SLX9: variants seen among roughly 807,000 people sequenced by gnomAD.
SLX9 encodes the protein ribosome biogenesis protein SLX9 homolog.
SLX9 carries 19 observed loss-of-function variants against 20.8 expected under a neutral mutation model. The ratio of observed to expected loss-of-function variants is 0.91; its 90% CI spans 0.64 to 1.34. SLX9 has a LOEUF of 1.34. Among genes scored for constraint, SLX9 ranks in the 40% most tolerant of loss-of-function variants. The pLI, the probability that SLX9 is intolerant of heterozygous loss-of-function variation, is 0.00. For synonymous variants in SLX9, 113 were observed against 137.1 expected (o/e 0.82, Z 1.23); for missense variants, 299 against 322.2 (o/e 0.93, Z 0.55).
intron 2 of SLX9, among the ~76,000 whole-genome samples, chr21:44,955,840 T>C (rs1266838677): frequency 6.6e-6 from 1 of 152,254 alleles, no homozygotes; most frequent in Non-Finnish European, 1.5e-5. Flanking sequence ...AAGACATTTG[T>C]AGATCAAACC....
chr21:44,966,845 A>G (rs1398607399), intron 3 of SLX9, among the ~76,000 whole-genome samples, 189 bp from the exon 4 acceptor site: 2 of 152,238 alleles, frequency 1.3e-5, no homozygotes, highest in African/African-American at 4.8e-5. Flanking sequence ...CAGCTCTGTC[A>G]TTAAGGGGAA....
At chr21:44,948,670 T>C (rs866284531) in intron 2 of SLX9, among the ~76,000 whole-genome samples, 4 of 151,918 alleles carry the variant, frequency 2.6e-5, no homozygotes, top group Admixed American at 6.6e-5. Context: ...GTGGACGGCT[T>C]GGGGGCGGTG....
Position 44,964,418 on chromosome 21 carries a change from A to T in SLX9, c.353-2616A>T, listed in dbSNP as rs370407552. ...CACCCCACCTTGCCTTTATGAGGACAAGCTTGCAAAGTTTGTCCTTGCTGT... is the reference window on the plus strand; with the variant it reads ...CACCCCACCTTGCCTTTATGAGGACTAGCTTGCAAAGTTTGTCCTTGCTGT... On this transcript the variant is annotated intron_variant, in intron 3 of 5. Transcript: ENST00000291634. Among the ~76,000 whole-genome samples the T allele has an allele frequency of 7.3e-4, 111 of 152,292 alleles. 3 individuals are homozygous for T. The East Asian group carries it at 0.015, about 20-fold the overall frequency.
At chr21:44,969,295 G>C in intron 4 of SLX9, 1 of 442,124 alleles carries the variant, frequency 2.3e-6, no homozygotes, top group Non-Finnish European at 4.8e-6. Context: ...TGTGATGACC[G>C]AACATTCCTG....
At chr21:44,949,597 AC>A (rs992476156) in intron 2 of SLX9, among the ~76,000 whole-genome samples, 1 of 151,930 alleles carries the variant, frequency 6.6e-6, no homozygotes, top group African/African-American at 2.4e-5. Context: ...GGCACAGGGC[AC>A]CCACCGCCGC....
At chr21:44,969,273 C>G (rs1359819391) in intron 4 of SLX9, 2 of 459,822 alleles carry the variant, frequency 4.3e-6, no homozygotes, top group African/African-American at 2.0e-5. Context: ...GAGCGGCCGC[C>G]CGGAGTGGCG....
intron 2 of SLX9, among the ~76,000 whole-genome samples, chr21:44,956,253 C>T (rs1601396649): frequency 6.6e-6 from 1 of 152,176 alleles, no homozygotes; most frequent in Non-Finnish European, 1.5e-5. Flanking sequence ...TTTAAAGTTT[C>T]TCTGTAGCAA....
chr21:44,966,514 G>T (rs1313907565), intron 3 of SLX9, among the ~76,000 whole-genome samples: 3 of 152,158 alleles, frequency 2.0e-5, no homozygotes, highest in Non-Finnish European at 2.9e-5. Flanking sequence ...TCCAGACCCT[G>T]CCCAAATCCC....
intron 3 of SLX9, among the ~76,000 whole-genome samples, chr21:44,961,519 T>G (rs1240186100): frequency 6.6e-6 from 1 of 152,212 alleles, no homozygotes; most frequent in Non-Finnish European, 1.5e-5. Context: ...CCCAGGAGTT[T>G]GAGGCTGCAG....
intron 3 of SLX9, among the ~76,000 whole-genome samples, chr21:44,962,016 C>T (rs1414786694): frequency 6.6e-6 from 1 of 152,196 alleles, no homozygotes. Context: ...ACAGATTTTA[C>T]AATCTTTATT....
chr21:44,943,559 C>T lies in SLX9; in HGVS notation c.130-125C>T, dbSNP rs141904199. ...GAGGGTTGTTTCCCCCAGGTCCTCCCGGGCAGAGAAGCTGGGGAATCCAGG... is the reference window on the plus strand; with the variant it reads ...GAGGGTTGTTTCCCCCAGGTCCTCCTGGGCAGAGAAGCTGGGGAATCCAGG... On this transcript the variant is annotated intron_variant, in intron 1 of 5. Transcript: ENST00000291634. 2.2e-4 allele frequency: 299 copies of T among 1,333,170 alleles called. No individual in the cohort carries two copies. In the East Asian group the frequency reaches 5.2e-3, roughly 23 times the overall value. The allele number at this position is 1,333,170 out of a possible 1,614,324, so 82.6% of individuals were successfully genotyped here. A position where few individuals can be genotyped will look rare whatever the true frequency, so the allele number is the denominator to read the frequency against.
intron 1 of SLX9, among the ~76,000 whole-genome samples, chr21:44,940,733 T>G (rs2084529875): frequency 8.2e-6 from 1 of 121,488 alleles, no homozygotes; most frequent in South Asian, 2.3e-4. Context: ...GGTGTAGGTA[T>G]CTGCATTTAT....
intron 2 of SLX9, among the ~76,000 whole-genome samples, chr21:44,944,372 A>C (rs906499375): frequency 6.6e-6 from 1 of 152,136 alleles, no homozygotes; most frequent in African/African-American, 2.4e-5. Context: ...CAGCCTGGCC[A>C]GTGAGAGGGT....
At chr21:44,962,921 G>A (rs1004830557) in intron 3 of SLX9, among the ~76,000 whole-genome samples, 8 of 152,068 alleles carry the variant, frequency 5.3e-5, no homozygotes, top group African/African-American at 1.9e-4. Flanking sequence ...GCATTTACAT[G>A]TGCTTACTGT....
chr21:44,951,255 G>A (rs1480509402), intron 2 of SLX9, among the ~76,000 whole-genome samples: 2 of 152,134 alleles, frequency 1.3e-5, no homozygotes, highest in African/African-American at 2.4e-5. Context: ...TCTCCTGGTG[G>A]CGCTGAAGCC....
chr21:44,972,882 T>G (rs2085177888), intron 4 of SLX9, among the ~76,000 whole-genome samples: 1 of 123,210 alleles, frequency 8.1e-6, no homozygotes, highest in Non-Finnish European at 1.8e-5. Context: ...ACTCCCTCCA[T>G]GTCCCATGGA....
At chr21:44,948,267 C>A (rs1437229387) in intron 2 of SLX9, among the ~76,000 whole-genome samples, 12 of 144,430 alleles carry the variant, frequency 8.3e-5, no homozygotes. Context: ...CGTGAAGCAT[C>A]GGGCGGTCCG....
intron 1 of SLX9, 131 bp from the exon 2 acceptor site, chr21:44,943,553 T>A: frequency 7.9e-7 from 1 of 1,267,632 alleles, no homozygotes; most frequent in Non-Finnish European, 1.1e-6. Context: ...TTCCCCCAGG[T>A]CCTCCCGGGC....
At chr21:44,971,823 T>G (rs1311474108) in intron 4 of SLX9, among the ~76,000 whole-genome samples, 2 of 152,118 alleles carry the variant, frequency 1.3e-5, no homozygotes, top group African/African-American at 2.4e-5. Context: ...GGGCAGAGCT[T>G]CTGCATCGGG....
Sources: allele counts gnomAD v4.1 joint callset (sites outside exome capture counted in the v4.1 genomes callset), GRCh38; gene constraint gnomAD v4.1.1; transcripts MANE v1.5; gene names NCBI Gene and HGNC (gene_info 2026-07-23, HGNC 2026-07-21).